GRM7: variants seen among roughly 807,000 people sequenced by gnomAD.
GRM7 encodes the protein glutamate metabotropic receptor 7.
GRM7 carries 35 observed loss-of-function variants against 84.5 expected under a neutral mutation model. The observed-to-expected ratio is 0.41, with a 90% CI of 0.32 to 0.55. The LOEUF (loss-of-function observed/expected upper bound fraction) is 0.55, where lower values mean the gene tolerates loss of function less well. Among genes scored for constraint, GRM7 ranks in the 20% least tolerant of loss-of-function variants. The pLI is 0.19. For missense variants in GRM7, 1,003 were observed against 1,194.6 expected (o/e 0.84, Z 2.36); for synonymous variants, 487 against 455.1 (o/e 1.07, Z -0.89).
Position 7,398,206 on chromosome 3 carries a change from C to T in GRM7, c.1034-16817C>T, listed in dbSNP as rs73809102. Among the ~76,000 whole-genome samples, 726 of 152,182 alleles carry T rather than the reference C, an allele frequency of 4.8e-3. 3 individuals are homozygous for T. The highest frequency in any genetic ancestry group is 0.024 in the South Asian group (115 of 4,820). On this transcript the variant is annotated intron_variant, in intron 4 of 9. Coordinates refer to ENST00000357716, the MANE Select transcript of GRM7 (RefSeq NM_000844.4). ...GTGAGAAAGCACTTAGGAAATATGG[C>T]TCAGAATTGCTTCAAAACATCAGTA... is the stretch of plus-strand genomic sequence containing the variant.
At chr3:7,118,054 A>G (rs1693096074) in intron 1 of GRM7, among the ~76,000 whole-genome samples, 1 of 152,140 alleles carries the variant, frequency 6.6e-6, no homozygotes, top group Non-Finnish European at 1.5e-5. Context: ...TTTCTGTCAA[A>G]GGGAAAGATA....
intron 1 of GRM7, among the ~76,000 whole-genome samples, chr3:6,920,804 G>A: frequency 6.6e-6 from 1 of 151,966 alleles, no homozygotes; most frequent in East Asian, 1.9e-4. Context: ...CCTGAGAAGG[G>A]CCTTCTATAT....
At chr3:7,292,709 A>G (rs1357389071) in intron 2 of GRM7, among the ~76,000 whole-genome samples, 4 of 148,976 alleles carry the variant, frequency 2.7e-5, no homozygotes, top group African/African-American at 7.4e-5. Context: ...GCTTACATAT[A>G]TTATTTCTTT....
intron 2 of GRM7, among the ~76,000 whole-genome samples, chr3:7,161,041 G>A (rs111786635): frequency 0.022 from 3,375 of 152,026 alleles, 106 homozygotes; most frequent in African/African-American, 0.075. Flanking sequence ...ATAAATGCAG[G>A]GGAGGAAAAC....
chr3:7,573,036 T>C (rs548376883), intron 7 of GRM7, among the ~76,000 whole-genome samples: 38 of 151,202 alleles, frequency 2.5e-4, no homozygotes, highest in Non-Finnish European at 4.3e-4. Flanking sequence ...TGCTACTTAA[T>C]GTTCAGAAAT....
In GRM7 at chr3:7,553,526, G is replaced by A. The variant is rs1284387927; in HGVS notation, c.1516-24896G>A. Among the ~76,000 whole-genome samples, 5 of 152,210 alleles carry A rather than the reference G, an allele frequency of 3.3e-5. No homozygotes were observed. The South Asian group carries it at 1.0e-3, about 32-fold the overall frequency. On this transcript the variant is annotated intron_variant, in intron 7 of 9. Transcript: ENST00000357716. ...TTCCCGAGACTGGGTAATTTATATA[G>A]GAAAGAGGCTTAATTGACTCACAGT...
chr3:7,278,899 T>C (rs1469186266), intron 2 of GRM7, among the ~76,000 whole-genome samples: 4 of 152,130 alleles, frequency 2.6e-5, no homozygotes, highest in Admixed American at 2.6e-4. Flanking sequence ...AGCTTTTTGG[T>C]AGGTTGGAGA....
At chr3:6,878,483 T>C (rs538341665) in intron 1 of GRM7, among the ~76,000 whole-genome samples, 1 of 151,634 alleles carries the variant, frequency 6.6e-6, no homozygotes, top group African/African-American at 2.4e-5. Context: ...TCTAGTTTAA[T>C]GAGCAAATGC....
intron 4 of GRM7, among the ~76,000 whole-genome samples, chr3:7,384,269 C>A (rs1694701271): frequency 6.6e-6 from 1 of 152,068 alleles, no homozygotes; most frequent in Admixed American, 6.6e-5. Flanking sequence ...CCTCTGGTGA[C>A]CTGCCCACCT....
rs1696067612 is a variant in GRM7 at position 7,596,824 on chromosome 3, A to C, written c.2451+17467A>C. Among the ~76,000 whole-genome samples, 3 of 152,218 alleles carry C rather than the reference A, an allele frequency of 2.0e-5. No individual in the cohort carries two copies. In the South Asian group the frequency reaches 6.2e-4, roughly 32 times the overall value. ...GGGTTTTACTGTCATGATTTCGTAAAGCCCATGCACAGCTGTGAGGACCCA... is the reference window on the plus strand; with the variant it reads ...GGGTTTTACTGTCATGATTTCGTAACGCCCATGCACAGCTGTGAGGACCCA... On this transcript the variant is annotated intron_variant, in intron 8 of 9. Coordinates refer to ENST00000357716, the MANE Select transcript of GRM7 (RefSeq NM_000844.4).
At chr3:7,682,163 C>T (rs1700394339) in intron 9 of GRM7, 1 of 151,764 alleles carries the variant, frequency 6.6e-6, no homozygotes, top group Admixed American at 6.6e-5. Context: ...TGGAGAAACC[C>T]CGTCTCTACT....
intron 7 of GRM7, among the ~76,000 whole-genome samples, chr3:7,479,731 C>A (rs1239829633): frequency 1.3e-5 from 2 of 152,078 alleles, no homozygotes; most frequent in African/African-American, 4.8e-5. Flanking sequence ...AACCAGAGGT[C>A]CCCAACTATG....
intron 9 of GRM7, among the ~76,000 whole-genome samples, chr3:7,692,110 A>G (rs1700826299): frequency 6.6e-6 from 1 of 152,110 alleles, no homozygotes; most frequent in African/African-American, 2.4e-5. Context: ...TCTATTTTCA[A>G]GATAGTTTAC....
In GRM7 at chr3:7,077,205, C is replaced by T. The variant is rs370421959; in HGVS notation, c.520-69247C>T. 8.5e-5 allele frequency among the ~76,000 whole-genome samples: 13 copies of T among 152,256 alleles called. No individual in the cohort carries two copies. In the East Asian group the frequency reaches 2.3e-3, roughly 27 times the overall value. On this transcript the variant is annotated intron_variant, in intron 1 of 9. Coordinates refer to ENST00000357716, the MANE Select transcript of GRM7 (RefSeq NM_000844.4). The stretch of plus-strand genomic sequence containing the variant: ...CTAGAACCAGAAATACCATTTGACC[C>T]AGCAATCCCATTACTGGGTGTATAC...
chr3:7,375,018 C>A (rs2125122126), intron 4 of GRM7, among the ~76,000 whole-genome samples: 1 of 152,178 alleles, frequency 6.6e-6, no homozygotes, highest in East Asian at 1.9e-4. Context: ...ACAGTGACTG[C>A]CTCATTTTTC....
intron 9 of GRM7, among the ~76,000 whole-genome samples, chr3:7,734,247 C>CGGGG (rs3838613): frequency 7.3e-5 from 6 of 82,374 alleles, no homozygotes; most frequent in African/African-American, 2.3e-4. Context: ...TTGGCAGGGG[C>CGGGG]GGGGGGGGGG....
chr3:7,319,952 C>A (rs1379610858), intron 4 of GRM7, among the ~76,000 whole-genome samples: 2 of 152,014 alleles, frequency 1.3e-5, no homozygotes, highest in African/African-American at 2.4e-5. Context: ...CAAATCAAGA[C>A]ATAAAATATT....
At chr3:7,426,736 G>C (rs1169519806) in intron 5 of GRM7, among the ~76,000 whole-genome samples, 1 of 152,120 alleles carries the variant, frequency 6.6e-6, no homozygotes, top group Non-Finnish European at 1.5e-5. Context: ...TCACATATCT[G>C]TGGATCCCCA....
intron 9 of GRM7, among the ~76,000 whole-genome samples, chr3:7,711,650 T>A (rs141291093): frequency 0.013 from 1,953 of 152,308 alleles, 38 homozygotes; most frequent in African/African-American, 0.045. Flanking sequence ...CTTTGTACTC[T>A]GAATCAATGA....
Sources: gnomAD v4.1 joint callset for allele counts (sites outside exome capture counted in the v4.1 genomes callset) on GRCh38, gnomAD v4.1.1 for gene constraint, MANE v1.5 for transcripts, NCBI Gene and HGNC (gene_info 2026-07-23, HGNC 2026-07-21) for gene names.